The following SAMD4A variants were observed in gnomAD, a reference collection of about 807,000 sequenced individuals.
SAMD4A encodes the protein protein Smaug homolog 1.
SAMD4A carries 33 observed loss-of-function variants against 81.3 expected under a neutral mutation model. The ratio of observed to expected loss-of-function variants is 0.41; its 90% CI spans 0.31 to 0.54. SAMD4A has a LOEUF of 0.54. Among genes scored for constraint, SAMD4A ranks in the 20% least tolerant of loss-of-function variants. SAMD4A has a pLI of 0.37. For synonymous variants in SAMD4A, 389 were observed against 382.1 expected, an observed-to-expected ratio of 1.02 and a Z score of -0.21; for missense variants, 854 against 951.1, an observed-to-expected ratio of 0.90 and a Z score of 1.34.
Position 54,790,509 on chromosome 14 carries a change from G to T in SAMD4A, c.*1565G>T, listed in dbSNP as rs1428265690. 6.6e-6 allele frequency: 1 copy of T among 152,176 alleles called. No homozygotes were observed. Among genetic ancestry groups the T allele is most frequent in the Non-Finnish European group, 1.5e-5 (1 of 68,032 alleles). 9.4% of individuals were successfully genotyped at this position (152,176 alleles called of 1,614,324 possible). A position where few individuals can be genotyped will look rare whatever the true frequency, so the allele number is the denominator to read the frequency against. ...GCTCTGTTTATGAAGGGCAAGAAAG[G>T]CTACATTTCAGAATTTGACACAGTG... On this transcript the variant is annotated 3_prime_UTR_variant, in exon 13 of 13. Coordinates refer to ENST00000554335, the MANE Select transcript of SAMD4A (RefSeq NM_015589.6).
chr14:54,576,547 A>T (rs775601938), intron 2 of SAMD4A, among the ~76,000 whole-genome samples: 1 of 152,238 alleles, frequency 6.6e-6, no homozygotes, highest in Non-Finnish European at 1.5e-5. Flanking sequence ...CTATGAGCGT[A>T]TGGATGAAGA....
At chr14:54,650,995 C>T (rs1204844278) in intron 2 of SAMD4A, among the ~76,000 whole-genome samples, 1 of 152,206 alleles carries the variant, frequency 6.6e-6, no homozygotes. Flanking sequence ...CTGAGCACCT[C>T]ACTTTCTGGA....
At chr14:54,757,924 C>G (rs1347443673) in intron 6 of SAMD4A, among the ~76,000 whole-genome samples, 1 of 152,154 alleles carries the variant, frequency 6.6e-6, no homozygotes, top group Non-Finnish European at 1.5e-5. Context: ...CTCCCTGTGC[C>G]TGCACTGGTC....
chr14:54,754,739 C>A, intron 6 of SAMD4A: 1 of 666,912 alleles, frequency 1.5e-6, no homozygotes, highest in Non-Finnish European at 1.9e-6. Context: ...TCTTACCTCA[C>A]ATAGATTTCT....
In SAMD4A at chr14:54,584,127, G is replaced by C. The variant is rs113706749; in HGVS notation, c.196+16015G>C. Among the ~76,000 whole-genome samples, 183 of 152,266 alleles carry C rather than the reference G, an allele frequency of 1.2e-3. 1 individual carries two copies. The highest frequency in any genetic ancestry group is 4.2e-3 in the African/African-American group (174 of 41,556). ...TAAATATTTCTAGTTTTTTGTTGCT[G>C]AACTGCTAAAAGATGGTTCTATACA... is the stretch of plus-strand genomic sequence containing the variant. On this transcript the variant is annotated intron_variant, in intron 2 of 12. Coordinates refer to ENST00000554335, the MANE Select transcript of SAMD4A (RefSeq NM_015589.6).
At chr14:54,682,017 T>C (rs2036139704) in intron 2 of SAMD4A, 1 of 985,344 alleles carries the variant, frequency 1.0e-6, no homozygotes. Context: ...GGACTGGCCT[T>C]ACAGAGTGTT....
intron 10 of SAMD4A, among the ~76,000 whole-genome samples, chr14:54,775,884 A>T (rs1276779708): frequency 6.6e-6 from 1 of 151,930 alleles, no homozygotes; most frequent in Non-Finnish European, 1.5e-5. Context: ...TCTTCTGACC[A>T]TTGTCCCCAG....
chr14:54,759,997 A>G (rs2038347370), intron 6 of SAMD4A, among the ~76,000 whole-genome samples, 164 bp from the exon 7 acceptor site: 1 of 152,272 alleles, frequency 6.6e-6, no homozygotes, highest in Non-Finnish European at 1.5e-5. Flanking sequence ...CTGGGCCAAT[A>G]TTAGAATGAT....
At chr14:54,674,631 T>G (rs1463289202) in intron 2 of SAMD4A, among the ~76,000 whole-genome samples, 1 of 152,238 alleles carries the variant, frequency 6.6e-6, no homozygotes, top group Non-Finnish European at 1.5e-5. Context: ...ACAGATGTCT[T>G]TAAATGTCAA....
intron 2 of SAMD4A, among the ~76,000 whole-genome samples, chr14:54,583,234 A>G (rs2033523316): frequency 6.6e-6 from 1 of 152,218 alleles, no homozygotes; most frequent in South Asian, 2.1e-4. Flanking sequence ...TAGGGTTGCC[A>G]AAGAAATTAC....
In SAMD4A at chr14:54,575,529, G is replaced by C. The variant is rs950589871; in HGVS notation, c.196+7417G>C. 4.6e-5 allele frequency among the ~76,000 whole-genome samples: 7 copies of C among 152,130 alleles called. No individual in the cohort carries two copies. The South Asian group carries it at 6.2e-4, about 13-fold the overall frequency. ...GCGGTGGGACCTCTTTGGAAGGCAG[G>C]GGGAGGAGACAGACAGGACAAGGTG... On this transcript the variant is annotated intron_variant, in intron 2 of 12. Coordinates refer to ENST00000554335, the MANE Select transcript of SAMD4A (RefSeq NM_015589.6).
intron 11 of SAMD4A, among the ~76,000 whole-genome samples, chr14:54,778,297 C>G (rs548996011): frequency 6.6e-6 from 1 of 152,206 alleles, no homozygotes; most frequent in African/African-American, 2.4e-5. Flanking sequence ...TGGGTTGTCC[C>G]GGAGCGCTTC....
intron 2 of SAMD4A, chr14:54,668,897 G>C (rs896945686): frequency 2.0e-4 from 31 of 152,310 alleles, no homozygotes; most frequent in Non-Finnish European, 1.5e-4. Context: ...CTGAGTCCAT[G>C]TTCTTCTCTC....
intron 2 of SAMD4A, among the ~76,000 whole-genome samples, chr14:54,677,973 ATCTT>A (rs1566579598): frequency 6.6e-6 from 1 of 152,216 alleles, no homozygotes; most frequent in Non-Finnish European, 1.5e-5. Flanking sequence ...GAAAAGAAAT[ATCTT>A]TCTTTCCCAA....
Position 54,670,290 on chromosome 14 carries a change from C to T in SAMD4A, c.197-31772C>T, listed in dbSNP as rs371251810. On this transcript the variant is annotated intron_variant, in intron 2 of 12. Transcript: ENST00000554335. Reference sequence around the variant, plus strand: ...TCTGAGCTTTGTGAAAGTAGGTTACCGTTCATCTGGTTTCTTGGAAGAAAT... The same window carrying T: ...TCTGAGCTTTGTGAAAGTAGGTTACTGTTCATCTGGTTTCTTGGAAGAAAT... Among the ~76,000 whole-genome samples, 9 of 152,270 alleles carry T rather than the reference C, an allele frequency of 5.9e-5. No individual in the cohort carries two copies. In the East Asian group the frequency reaches 7.7e-4, roughly 13 times the overall value.
chr14:54,779,231 T>C (rs1039710869), intron 11 of SAMD4A, among the ~76,000 whole-genome samples: 1 of 152,164 alleles, frequency 6.6e-6, no homozygotes, highest in Non-Finnish European at 1.5e-5. Context: ...ACTACAAATA[T>C]CATGTCAGGA....
At chr14:54,701,078 A>C (rs556724537) in intron 2 of SAMD4A, 4 of 148,590 alleles carry the variant, frequency 2.7e-5, no homozygotes, top group African/African-American at 1.0e-4. Flanking sequence ...AGCTCACTGC[A>C]GCCTCGACCT....
chr14:54,757,406 TGTG>T (rs2038271143), intron 6 of SAMD4A, among the ~76,000 whole-genome samples: 4 of 147,672 alleles, frequency 2.7e-5, no homozygotes, highest in African/African-American at 1.0e-4. Context: ...TGTGTGTGTG[TGTG>T]TGTGTGTGTG....
chr14:54,568,171 G>T, intron 2 of SAMD4A, 59 bp downstream of exon 2: 1 of 1,270,392 alleles, frequency 7.9e-7, no homozygotes, highest in Non-Finnish European at 9.8e-7. Context: ...TCCTCCCTCC[G>T]CTTCTCTGCC....
Sources: allele counts gnomAD v4.1 joint callset (sites outside exome capture counted in the v4.1 genomes callset), GRCh38; gene constraint gnomAD v4.1.1; transcripts MANE v1.5; gene names NCBI Gene and HGNC (gene_info 2026-07-23, HGNC 2026-07-21).